The following NUP210L variants were observed in gnomAD, a reference collection of about 807,000 sequenced individuals.
NUP210L encodes the protein nuclear pore membrane glycoprotein 210-like.
In NUP210L, 74 loss-of-function variants were observed where a neutral mutation model predicts 208.5. The ratio of observed to expected loss-of-function variants is 0.35; its 90% CI spans 0.29 to 0.43. NUP210L has a LOEUF of 0.43. Among genes scored for constraint, NUP210L ranks in the 20% least tolerant of loss-of-function variants. The probability of loss-of-function intolerance (pLI) is 1.00; values close to 1 mark genes in which losing one functional copy is unlikely to be tolerated. For missense variants in NUP210L, 1,843 were observed against 2,289.4 expected (o/e 0.81, Z 3.98); for synonymous variants, 780 against 816.9 (o/e 0.95, Z 0.77).
intron 25 of NUP210L, 31 bp downstream of exon 25, chr1:154,054,197 A>C: frequency 6.2e-7 from 1 of 1,610,914 alleles, no homozygotes; most frequent in Non-Finnish European, 8.5e-7. Flanking sequence ...CAATAGAAGA[A>C]TAGAAGCAGA....
At chr1:154,117,125 T>A (rs1388207596) in intron 12 of NUP210L, among the ~76,000 whole-genome samples, 1 of 152,162 alleles carries the variant, frequency 6.6e-6, no homozygotes, top group Non-Finnish European at 1.5e-5. Context: ...CATTTCATCA[T>A]TTTTTTCCTC....
chr1:154,115,207 G>C (rs1657259412), intron 12 of NUP210L, among the ~76,000 whole-genome samples: 1 of 152,114 alleles, frequency 6.6e-6, no homozygotes. Flanking sequence ...ATATCTTTCA[G>C]AACAGAGACC....
chr1:154,022,923 C>G (rs1056050919), intron 31 of NUP210L, among the ~76,000 whole-genome samples, 199 bp downstream of exon 31: 1 of 152,038 alleles, frequency 6.6e-6, no homozygotes, highest in African/African-American at 2.4e-5. Flanking sequence ...GTGATCCTCC[C>G]TCCTCAGCCT....
At chr1:154,097,155 C>A (rs1233696481) in intron 14 of NUP210L, among the ~76,000 whole-genome samples, 1 of 151,974 alleles carries the variant, frequency 6.6e-6, no homozygotes, top group Non-Finnish European at 1.5e-5. Context: ...TCTGAAAAAG[C>A]AAAACAAATG....
At chr1:154,140,350 C>CAAAAAAA (rs375907073) in intron 4 of NUP210L, among the ~76,000 whole-genome samples, 2 of 71,572 alleles carry the variant, frequency 2.8e-5, no homozygotes, top group East Asian at 3.1e-4. Flanking sequence ...GACTCCGTCT[C>CAAAAAAA]AAAAAAAAAA....
intron 35 of NUP210L, among the ~76,000 whole-genome samples, chr1:154,005,373 C>T (rs9700537): frequency 0.12 from 17,551 of 148,982 alleles, 1,571 homozygotes; most frequent in East Asian, 0.5. Context: ...ACCCAAGTAG[C>T]GTGAGCCACC....
At chr1:154,131,889 C>A (rs1342364285) in intron 7 of NUP210L, among the ~76,000 whole-genome samples, 1 of 152,186 alleles carries the variant, frequency 6.6e-6, no homozygotes, top group Non-Finnish European at 1.5e-5. Context: ...ACTGCAACTT[C>A]TGCCTCCTAG....
rs1416904209 is a variant in NUP210L at position 154,154,832 on chromosome 1, C to G, written c.203+10G>C. 1 of 1,609,446 alleles carries G rather than the reference C, an allele frequency of 6.2e-7. No homozygotes were observed. The highest frequency in any genetic ancestry group is 1.3e-5 in the African/African-American group (1 of 74,862). ...GAGGGTGCATATCCTTGTCACCCAC[C>G]ACCCCTCACCAAGTGTAGCAGCCCC... On this transcript the variant is annotated intron_variant, in intron 1 of 39. Coordinates refer to ENST00000368559, the Ensembl canonical transcript of NUP210L.
chr1:154,129,955 TCA>T (rs2148123019), intron 7 of NUP210L, among the ~76,000 whole-genome samples: 1 of 152,324 alleles, frequency 6.6e-6, no homozygotes, highest in Admixed American at 6.5e-5. Flanking sequence ...TATTCCAGTA[TCA>T]GTCTATATAC....
exon 11 of NUP210L, chr1:154,118,794 C>G (rs912374682): frequency 6.4e-7 from 1 of 1,574,374 alleles, no homozygotes; most frequent in African/African-American, 1.3e-5. Flanking sequence ...ATTTTATAGG[C>G]TGAATATCTT....
At chr1:154,130,725 T>C (rs1263043649) in intron 7 of NUP210L, among the ~76,000 whole-genome samples, 1 of 151,554 alleles carries the variant, frequency 6.6e-6, no homozygotes, top group Non-Finnish European at 1.5e-5. Context: ...ACTGGGACTA[T>C]AGGCCTGCAC....
intron 4 of NUP210L, among the ~76,000 whole-genome samples, chr1:154,140,350 C>CAAAAAA (rs375907073): frequency 1.3e-4 from 9 of 71,498 alleles, no homozygotes; most frequent in Admixed American, 3.4e-4. Context: ...GACTCCGTCT[C>CAAAAAA]AAAAAAAAAA....
chr1:154,022,750 T>C (rs1164723587), intron 31 of NUP210L, among the ~76,000 whole-genome samples: 1 of 148,966 alleles, frequency 6.7e-6, no homozygotes, highest in Non-Finnish European at 1.5e-5. Context: ...CAATCTCTGC[T>C]CACTGCAACC....
intron 15 of NUP210L, among the ~76,000 whole-genome samples, chr1:154,091,071 G>GCTA (rs1655880182): frequency 1.4e-5 from 2 of 140,820 alleles, no homozygotes; most frequent in African/African-American, 2.6e-5. Context: ...TATTATTGCT[G>GCTA]TTATTATTAT....
At chr1:154,082,418 A>G (rs1655385485) in intron 16 of NUP210L, among the ~76,000 whole-genome samples, 1 of 152,250 alleles carries the variant, frequency 6.6e-6, no homozygotes, top group Non-Finnish European at 1.5e-5. Context: ...CTCAAAATAC[A>G]TGAAGCAAAA....
At chr1:154,083,285 T>C (rs1008732370) in intron 16 of NUP210L, among the ~76,000 whole-genome samples, 1 of 152,166 alleles carries the variant, frequency 6.6e-6, no homozygotes, top group Non-Finnish European at 1.5e-5. Flanking sequence ...TTACAAACCT[T>C]TAGCTAGACA....
intron 27 of NUP210L, among the ~76,000 whole-genome samples, chr1:154,031,878 C>T (rs1571192362): frequency 6.7e-6 from 1 of 149,986 alleles, no homozygotes; most frequent in South Asian, 2.1e-4. Flanking sequence ...TGCACCACTG[C>T]GCCTGGCTAA....
chr1:154,073,887 T>A (rs1044565481), intron 16 of NUP210L, among the ~76,000 whole-genome samples: 12 of 151,946 alleles, frequency 7.9e-5, no homozygotes, highest in Admixed American at 7.9e-4. Flanking sequence ...AGCAGGCTCA[T>A]AGGTAAGCTG....
chr1:154,081,370 A>G (rs904506257), intron 16 of NUP210L, among the ~76,000 whole-genome samples: 2 of 152,224 alleles, frequency 1.3e-5, no homozygotes, highest in African/African-American at 2.4e-5. Context: ...ATAATAATCT[A>G]TAATAAAGAG....
Sources: gnomAD v4.1 joint callset for allele counts (sites outside exome capture counted in the v4.1 genomes callset) on GRCh38, gnomAD v4.1.1 for gene constraint, MANE v1.5 for transcripts, NCBI Gene and HGNC (gene_info 2026-07-23, HGNC 2026-07-21) for gene names.